REV1: variants seen among roughly 807,000 people sequenced by gnomAD.
REV1 encodes the protein REV1 DNA directed polymerase, also known as translesion synthesis protein REV1.
In REV1, 42 loss-of-function variants were observed where a neutral mutation model predicts 137.4. The ratio of observed to expected loss-of-function variants is 0.31; its 90% CI spans 0.24 to 0.40. The LOEUF is 0.40. REV1 is among the 10% of genes least tolerant of loss of function. The probability of loss-of-function intolerance (pLI) is 1.00; values close to 1 mark genes in which losing one functional copy is unlikely to be tolerated. For missense variants in REV1, 1,282 were observed against 1,490.1 expected, an observed-to-expected ratio of 0.86 and a Z score of 2.30; for synonymous variants, 524 against 519.2, an observed-to-expected ratio of 1.01 and a Z score of -0.12.
At position 99,408,150 on chromosome 2, in the gene REV1, A is replaced by G. The variant is rs1014348040; in HGVS notation, c.2346-19T>C. The G allele has an allele frequency of 3.4e-6, 5 of 1,488,390 alleles. No homozygotes were observed. In the African/African-American group the frequency reaches 7.0e-5, roughly 21 times the overall value. The allele number at this position is 1,488,390 out of a possible 1,614,324, so 92.2% of individuals were successfully genotyped here. On this transcript the variant is annotated intron_variant, in intron 14 of 22. Transcript: ENST00000258428. Reference sequence around the variant, plus strand: ...TACAGTCCTGTAAGTGATAGAATTAAAAAACAAAAGCTTCATTCCATATGT... The same window carrying G: ...TACAGTCCTGTAAGTGATAGAATTAGAAAACAAAAGCTTCATTCCATATGT...
rs373850478 is a variant in REV1, at chr2:99,454,550, C to CA, written c.182-5047dup. 1.3e-3 allele frequency among the ~76,000 whole-genome samples: 110 copies of CA among 82,358 alleles called. 1 individual carries two copies. The highest frequency in any genetic ancestry group is 1.8e-3 in the Non-Finnish European group (79 of 44,312). 54.0% of individuals were successfully genotyped at this position (82,358 alleles called of 152,430 possible). On this transcript the variant is annotated intron_variant, in intron 3 of 22. Coordinates refer to ENST00000258428, the MANE Select transcript of REV1 (RefSeq NM_016316.4). ...GGGCAACAAGAGTGAAACTCCAGCT[C>CA]AAAAAAAAAAAAAAAAAAAAAAAAA...
intron 1 of REV1, among the ~76,000 whole-genome samples, chr2:99,466,123 T>C (rs1684772808): frequency 6.6e-6 from 1 of 152,074 alleles, no homozygotes; most frequent in African/African-American, 2.4e-5. Flanking sequence ...TTTCTTTTTT[T>C]TGTATTTTTA....
chr2:99,406,610 G>T, intron 15 of REV1, 120 bp from the exon 16 acceptor site: 1 of 787,810 alleles, frequency 1.3e-6, no homozygotes, highest in Non-Finnish European at 1.8e-6. Flanking sequence ...CTAGAATAAA[G>T]GTAAATGAAA....
intron 1 of REV1, among the ~76,000 whole-genome samples, chr2:99,474,986 TA>T (rs1685813364): frequency 1.3e-5 from 2 of 152,284 alleles, no homozygotes; most frequent in Admixed American, 1.3e-4. Context: ...AAGCAAGTCA[TA>T]ATCAGTCATA....
chr2:99,426,117 G>T (rs1185477136), intron 9 of REV1, among the ~76,000 whole-genome samples: 2 of 151,922 alleles, frequency 1.3e-5, no homozygotes, highest in Non-Finnish European at 2.9e-5. Context: ...AGGCCGAGGT[G>T]GATGGATCAC....
In REV1 at chr2:99,419,238, G is replaced by T. The variant is rs1198189240; in HGVS notation, c.1832-291C>A. On this transcript the variant is annotated intron_variant, in intron 11 of 22. Coordinates refer to ENST00000258428, the MANE Select transcript of REV1 (RefSeq NM_016316.4). ...TTTTTTTTTTTTTTTGGGGGATGGAGGCTCACTCTGTTGCCCAAGCTGGAG... is the reference window on the plus strand; with the variant it reads ...TTTTTTTTTTTTTTTGGGGGATGGATGCTCACTCTGTTGCCCAAGCTGGAG... 2.7e-5 allele frequency among the ~76,000 whole-genome samples: 4 copies of T among 146,540 alleles called. No individual in the cohort carries two copies. The Admixed American group carries it at 2.7e-4, about 10-fold the overall frequency.
At chr2:99,486,451 C>T (rs1054471306) in intron 1 of REV1, among the ~76,000 whole-genome samples, 2 of 152,120 alleles carry the variant, frequency 1.3e-5, no homozygotes, top group South Asian at 4.1e-4. Flanking sequence ...ATGGCGTGAA[C>T]CCAGGAGGTG....
chr2:99,428,772 G>C (rs1306059814), intron 9 of REV1, among the ~76,000 whole-genome samples: 1 of 152,096 alleles, frequency 6.6e-6, no homozygotes, highest in Non-Finnish European at 1.5e-5. Flanking sequence ...GAGGCGGATG[G>C]ATCACGAGGT....
intron 8 of REV1, chr2:99,431,868 A>C (rs1170578399): frequency 6.1e-6 from 6 of 985,318 alleles, no homozygotes; most frequent in African/African-American, 1.7e-5. Context: ...TGCTCATCAA[A>C]ACTTGACAAA....
At chr2:99,425,400 A>C (rs988072430) in intron 9 of REV1, among the ~76,000 whole-genome samples, 1 of 152,222 alleles carries the variant, frequency 6.6e-6, no homozygotes, top group Non-Finnish European at 1.5e-5. Context: ...GGAAAATGAC[A>C]GAGTTGTAAA....
chr2:99,402,222 G>T, intron 22 of REV1, 22 bp downstream of exon 22: 2 of 1,028,382 alleles, frequency 1.9e-6, no homozygotes, highest in South Asian at 1.5e-5. Context: ...TTTCCCATTT[G>T]ATAAAAGTGA....
At chr2:99,453,206 A>C (rs1030429305) in intron 3 of REV1, among the ~76,000 whole-genome samples, 1 of 152,016 alleles carries the variant, frequency 6.6e-6, no homozygotes, top group African/African-American at 2.4e-5. Flanking sequence ...TAAAAATACA[A>C]AAATTAGCTG....
At chr2:99,466,618 A>T (rs1684829175) in intron 1 of REV1, among the ~76,000 whole-genome samples, 1 of 152,192 alleles carries the variant, frequency 6.6e-6, no homozygotes, top group Admixed American at 6.5e-5. Flanking sequence ...CATTTATAAC[A>T]ATTTGAATTT....
chr2:99,472,537 TAAGAA>T (rs938582426), intron 1 of REV1, among the ~76,000 whole-genome samples: 5 of 152,156 alleles, frequency 3.3e-5, no homozygotes, highest in African/African-American at 1.2e-4. Flanking sequence ...GTACCACAAT[TAAGAA>T]GAAAAGAGTT....
chr2:99,439,629 T>C (rs992827865), intron 5 of REV1, among the ~76,000 whole-genome samples: 1 of 152,124 alleles, frequency 6.6e-6, no homozygotes, highest in African/African-American at 2.4e-5. Flanking sequence ...AGAAATAAAA[T>C]AGAACATTTC....
rs3087387 is a variant in REV1 at position 99,401,405 on chromosome 2, A to G, written c.3645-53T>C. ...TTAGGAATTAGGAAAGGTCCTTAAG[A>G]CTAATTATTCCTTTTTATATATAAA... On this transcript the variant is annotated intron_variant, in intron 22 of 22. Transcript: ENST00000258428. 9.8e-3 allele frequency: 11,876 copies of G among 1,216,592 alleles called. 363 individuals are homozygous for G. Among genetic ancestry groups the G allele is most frequent in the African/African-American group, 0.095 (6,218 of 65,152 alleles). 75.4% of individuals were successfully genotyped at this position (1,216,592 alleles called of 1,614,324 possible).
rs956498200 is a variant in REV1 at position 99,456,651 on chromosome 2, A to G, written c.181+5845T>C. Among the ~76,000 whole-genome samples the G allele has an allele frequency of 3.3e-5, 5 of 152,262 alleles. 1 individual carries two copies. The highest frequency in any genetic ancestry group is 1.2e-4 in the African/African-American group (5 of 41,470). Reference sequence around the variant, plus strand: ...AGAACTTAATATAGAATTAAGACCTAACAACACAAGACAAAATCCAGGTGT... The same window carrying G: ...AGAACTTAATATAGAATTAAGACCTGACAACACAAGACAAAATCCAGGTGT... On this transcript the variant is annotated intron_variant, in intron 3 of 22. Coordinates refer to ENST00000258428, the MANE Select transcript of REV1 (RefSeq NM_016316.4).
At chr2:99,410,974 A>G in intron 13 of REV1, 107 bp from the exon 14 acceptor site, 2 of 1,055,048 alleles carry the variant, frequency 1.9e-6, no homozygotes, top group Non-Finnish European at 2.7e-6. Flanking sequence ...GTTACTCACT[A>G]TCACGCTCAG....
At chr2:99,449,827 C>T (rs937654928) in intron 3 of REV1, among the ~76,000 whole-genome samples, 9 of 152,122 alleles carry the variant, frequency 5.9e-5, no homozygotes, top group Admixed American at 2.0e-4. Context: ...CTATACTTAG[C>T]ATATGACCTT....
Sources: allele counts gnomAD v4.1 joint callset (sites outside exome capture counted in the v4.1 genomes callset), GRCh38; gene constraint gnomAD v4.1.1; transcripts MANE v1.5; gene names NCBI Gene and HGNC (gene_info 2026-07-23, HGNC 2026-07-21).